The following AUTS2 variants were observed in gnomAD, a reference collection of about 807,000 sequenced individuals.
AUTS2 encodes activator of transcription and developmental regulator AUTS2, also known as autism susceptibility gene 2 protein.
Under a neutral mutation model 112.4 loss-of-function variants are expected in AUTS2, and 17 were observed. The ratio of observed to expected loss-of-function variants is 0.15; its 90% CI spans 0.10 to 0.23. The LOEUF is 0.23. Ranked by LOEUF, AUTS2 falls within the 10% of genes least tolerant of loss-of-function variation. The probability of loss-of-function intolerance (pLI) is 1.00; values close to 1 mark genes in which losing one functional copy is unlikely to be tolerated. For synonymous variants in AUTS2, 751 were observed against 702.7 expected (o/e 1.07, Z -1.09); for missense variants, 1,510 against 1,701.6 (o/e 0.89, Z 1.98).
chr7:70,310,341 T>G (rs1314729160), intron 4 of AUTS2, among the ~76,000 whole-genome samples: 1 of 152,118 alleles, frequency 6.6e-6, no homozygotes, highest in African/African-American at 2.4e-5. Context: ...CCGGACGCGG[T>G]GGCTCACGCC....
intron 4 of AUTS2, among the ~76,000 whole-genome samples, chr7:70,216,109 A>G (rs1392750416): frequency 1.3e-5 from 2 of 152,192 alleles, no homozygotes; most frequent in African/African-American, 4.8e-5. Flanking sequence ...AGATCTTTGT[A>G]GATTTTTCTA....
At chr7:70,775,817 G>A (rs1790650595) in intron 13 of AUTS2, among the ~76,000 whole-genome samples, 1 of 152,150 alleles carries the variant, frequency 6.6e-6, no homozygotes, top group African/African-American at 2.4e-5. Context: ...TCCTTTTAAG[G>A]TGCAGGAAGG....
chr7:69,684,725 A>G (rs1796984287), intron 1 of AUTS2, among the ~76,000 whole-genome samples: 2 of 152,206 alleles, frequency 1.3e-5, no homozygotes, highest in African/African-American at 2.4e-5. Flanking sequence ...TTACTGTGGA[A>G]TATGTATTTT....
chr7:69,688,159 A>G (rs1797146191), intron 1 of AUTS2, among the ~76,000 whole-genome samples: 6 of 152,240 alleles, frequency 3.9e-5, no homozygotes, highest in Admixed American at 3.9e-4. Context: ...GGAGTGACCA[A>G]AAGTTATTAC....
In AUTS2 at chr7:70,096,319, G is replaced by A. The variant is rs111366845; in HGVS notation, c.523-21813G>A. ...GAATAAAAAAATTGTTGAAAAAGCCGGTCGCAGTGGCTCACGTCTGTAATC... is the reference window on the plus strand; with the variant it reads ...GAATAAAAAAATTGTTGAAAAAGCCAGTCGCAGTGGCTCACGTCTGTAATC... On this transcript the variant is annotated intron_variant, in intron 2 of 18. Coordinates refer to ENST00000342771, the MANE Select transcript of AUTS2 (RefSeq NM_015570.4). Among the ~76,000 whole-genome samples the A allele has an allele frequency of 4.3e-4, 66 of 152,052 alleles. 4 individuals are homozygous for A. The highest frequency in any genetic ancestry group is 1.4e-3 in the African/African-American group (60 of 41,500).
intron 5 of AUTS2, among the ~76,000 whole-genome samples, chr7:70,661,663 G>A (rs547602728): frequency 6.6e-6 from 1 of 152,144 alleles, no homozygotes; most frequent in South Asian, 2.1e-4. Context: ...GAACAAATCT[G>A]TAGATCTGTA....
At chr7:70,521,689 G>T (rs1335619903) in intron 5 of AUTS2, among the ~76,000 whole-genome samples, 1 of 152,252 alleles carries the variant, frequency 6.6e-6, no homozygotes, top group Admixed American at 6.5e-5. Context: ...GTATTTGTTG[G>T]CACCTATAGG....
In AUTS2 at chr7:70,604,910, G is replaced by T. The variant is rs1335993150; in HGVS notation, c.691-93659G>T. On this transcript the variant is annotated intron_variant, in intron 5 of 18. Transcript: ENST00000342771. The stretch of plus-strand genomic sequence containing the variant: ...TGGGAAATCTGATATAAATGGGCTT[G>T]CTTAATAATTATTGCCATTCTTACA... Among the ~76,000 whole-genome samples, 6 of 152,212 alleles carry T rather than the reference G, an allele frequency of 3.9e-5. No homozygotes were observed. The East Asian group carries it at 1.2e-3, about 29-fold the overall frequency.
chr7:69,804,093 C>T (rs933617578), intron 1 of AUTS2, among the ~76,000 whole-genome samples: 1 of 152,154 alleles, frequency 6.6e-6, no homozygotes, highest in Non-Finnish European at 1.5e-5. Flanking sequence ...TTTCCAGAAT[C>T]AACCTTTATT....
intron 5 of AUTS2, among the ~76,000 whole-genome samples, chr7:70,677,952 G>A (rs535362499): frequency 6.6e-6 from 1 of 152,156 alleles, no homozygotes; most frequent in South Asian, 2.1e-4. Context: ...GCGTGGTGGC[G>A]GGCCCTGTAG....
chr7:69,800,812 C>T (rs1164470663), intron 1 of AUTS2, among the ~76,000 whole-genome samples: 1 of 152,176 alleles, frequency 6.6e-6, no homozygotes, highest in African/African-American at 2.4e-5. Context: ...CCTCCCTGCA[C>T]TGTTCCTGAA....
At chr7:69,857,888 C>T (rs1417423375) in intron 1 of AUTS2, among the ~76,000 whole-genome samples, 3 of 151,994 alleles carry the variant, frequency 2.0e-5, no homozygotes, top group Admixed American at 6.5e-5. Flanking sequence ...TTCTCATTGG[C>T]TCTGATTAAG....
intron 2 of AUTS2, among the ~76,000 whole-genome samples, chr7:70,114,272 A>G (rs1805241700): frequency 6.6e-6 from 1 of 152,204 alleles, no homozygotes. Flanking sequence ...ATCTTACTGT[A>G]TCAGTTATAG....
intron 5 of AUTS2, among the ~76,000 whole-genome samples, chr7:70,635,863 T>G (rs578006205): frequency 1.8e-4 from 27 of 152,294 alleles, no homozygotes; most frequent in African/African-American, 6.5e-4. Flanking sequence ...GCCAGGTGGA[T>G]AGAAGTGGAA....
chr7:69,928,822 G>A (rs1375671482), intron 2 of AUTS2, among the ~76,000 whole-genome samples: 3 of 152,240 alleles, frequency 2.0e-5, no homozygotes, highest in Middle Eastern at 3.4e-3. Context: ...AACTCTGTAA[G>A]GTGCAGGGCT....
intron 5 of AUTS2, among the ~76,000 whole-genome samples, chr7:70,594,720 A>C (rs965954444): frequency 6.6e-6 from 1 of 152,162 alleles, no homozygotes; most frequent in Non-Finnish European, 1.5e-5. Context: ...AGACTCAGCG[A>C]GAGTGGGAGA....
intron 1 of AUTS2, among the ~76,000 whole-genome samples, chr7:69,803,767 T>C (rs909458869): frequency 3.9e-5 from 6 of 152,242 alleles, no homozygotes; most frequent in Non-Finnish European, 8.8e-5. Flanking sequence ...TGGTGGCTTT[T>C]GCCTGTAATC....
chr7:69,958,690 C>T (rs542740679), intron 2 of AUTS2, among the ~76,000 whole-genome samples: 20 of 152,280 alleles, frequency 1.3e-4, no homozygotes, highest in South Asian at 2.1e-4. Flanking sequence ...GATTCTCAGA[C>T]GTTTTTCTGC....
At chr7:70,619,413 C>T (rs761541061) in intron 5 of AUTS2, among the ~76,000 whole-genome samples, 9 of 152,016 alleles carry the variant, frequency 5.9e-5, no homozygotes, top group South Asian at 2.1e-4. Flanking sequence ...CTGGGGAGTG[C>T]GTGCGGCCTG....
Sources: gnomAD v4.1 joint callset for allele counts (sites outside exome capture counted in the v4.1 genomes callset) on GRCh38, gnomAD v4.1.1 for gene constraint, MANE v1.5 for transcripts, NCBI Gene and HGNC (gene_info 2026-07-23, HGNC 2026-07-21) for gene names.